Variants in MINPP1 observed in about 807,000 individuals in gnomAD.
The protein encoded by MINPP1 is multiple inositol polyphosphate phosphatase 1.
A neutral mutation model predicts 46.1 loss-of-function variants in MINPP1; 28 were observed. The ratio of observed to expected loss-of-function variants is 0.61; its 90% CI spans 0.45 to 0.83. MINPP1 has a LOEUF of 0.83. Among genes scored for constraint, MINPP1 ranks in the 40% least tolerant of loss-of-function variants. The pLI is 0.00. For missense variants in MINPP1, 603 were observed against 610.0 expected (o/e 0.99, Z 0.12); for synonymous variants, 268 against 249.1 (o/e 1.08, Z -0.72).
At chr10:87,525,478 T>C (rs1851563495) in intron 4 of MINPP1, among the ~76,000 whole-genome samples, 1 of 152,244 alleles carries the variant, frequency 6.6e-6, no homozygotes, top group African/African-American at 2.4e-5. Flanking sequence ...GTATCATTCT[T>C]TTTCATGGCT....
At chr10:87,536,538 T>TAG (rs958420981) in intron 4 of MINPP1, among the ~76,000 whole-genome samples, 1 of 152,130 alleles carries the variant, frequency 6.6e-6, no homozygotes, top group Non-Finnish European at 1.5e-5. Flanking sequence ...CACATCCAAG[T>TAG]TTCTTTGTGA....
intron 4 of MINPP1, among the ~76,000 whole-genome samples, chr10:87,547,138 T>C (rs1229291119): frequency 6.6e-6 from 1 of 152,124 alleles, no homozygotes; most frequent in African/African-American, 2.4e-5. Context: ...CCAAGACAGA[T>C]TCTTGCTCTG....
At chr10:87,506,573 G>A (rs1851254570) in intron 1 of MINPP1, among the ~76,000 whole-genome samples, 1 of 152,118 alleles carries the variant, frequency 6.6e-6, no homozygotes, top group African/African-American at 2.4e-5. Flanking sequence ...TGTGGACCCA[G>A]GAAATCTGAT....
rs1851214441 is a variant in MINPP1, at chr10:87,504,959, C to T, written c.44C>T (p.Pro15Leu). Residue 15 changes from proline to leucine, a missense_variant, in exon 1 of 5, where the codon CCT becomes CTT. By Grantham distance (98) the Pro-to-Leu change is moderately conservative. Transcript: ENST00000371996. ...TGCCTCCTCCGGACCTCCGTAGCGC[C>T]TGCCGCGGCCCTGGCTGCGGCGCTG... ...PGCLLRTSVA[P>L]AAALAAALLS... is the part of the protein sequence containing the mutation. The T allele has an allele frequency of 3.1e-6, 5 of 1,611,982 alleles. No individual in the cohort carries two copies. The highest frequency in any genetic ancestry group is 4.2e-6 in the Non-Finnish European group (5 of 1,179,524).
Position 87,504,926 on chromosome 10 carries a change from CG to C in MINPP1, c.12del (p.Gly6AlafsTer8). On this transcript the variant is annotated frameshift_variant, in exon 1 of 5. Coordinates refer to ENST00000371996, the MANE Select transcript of MINPP1 (RefSeq NM_004897.5). LOFTEE classifies it high-confidence loss of function. MLR[A>X]PGCLLRTSVA... ...CTGACCGTCCCGACGATGCTACGCG[CG>C]CCCGGCTGCCTCCTCCGGACCTCCG... 6.2e-7 allele frequency: 1 copy of C among 1,610,636 alleles called. No homozygotes were observed. Among genetic ancestry groups the C allele is most frequent in the East Asian group, 2.2e-5 (1 of 44,828 alleles).
intron 4 of MINPP1, among the ~76,000 whole-genome samples, chr10:87,538,195 C>T (rs1049388631): frequency 1.3e-5 from 2 of 151,674 alleles, no homozygotes; most frequent in African/African-American, 4.9e-5. Flanking sequence ...TGTTCAGTGC[C>T]AGCTGAAAAT....
Position 87,505,168 on chromosome 10 carries a change from G to T in MINPP1, c.253G>T (p.Ala85Ser). The change falls in exon 1 of 5, where the codon GCC becomes TCC. Residue 85 changes from alanine to serine, a missense_variant. Coordinates refer to ENST00000371996, the MANE Select transcript of MINPP1 (RefSeq NM_004897.5). The surrounding 1 kb of genome is among the most constrained non-coding windows in gnomAD (Gnocchi z 4.4). Reference sequence around the variant, plus strand: ...GACCTGCACCCCGGTGCAGCTGGTCGCCCTCATTCGCCACGGCACCCGCTA... The same window carrying T: ...GACCTGCACCCCGGTGCAGCTGGTCTCCCTCATTCGCCACGGCACCCGCTA... ...EGTCTPVQLV[A>S]LIRHGTRYPT... The T allele has an allele frequency of 6.2e-7, 1 of 1,608,738 alleles. No homozygotes were observed. Among genetic ancestry groups the T allele is most frequent in the Non-Finnish European group, 8.5e-7 (1 of 1,177,746 alleles).
At chr10:87,531,421 G>C (rs915873587) in intron 4 of MINPP1, among the ~76,000 whole-genome samples, 1 of 152,206 alleles carries the variant, frequency 6.6e-6, no homozygotes, top group African/African-American at 2.4e-5. Context: ...ATTTTTGGTA[G>C]CTAGTAGCTG....
intron 4 of MINPP1, among the ~76,000 whole-genome samples, chr10:87,530,869 C>T (rs1382974269): frequency 2.6e-5 from 4 of 152,172 alleles, no homozygotes; most frequent in South Asian, 2.1e-4. Context: ...AGCTTCCTGG[C>T]GGCTTTGTTT....
intron 4 of MINPP1, among the ~76,000 whole-genome samples, chr10:87,529,603 G>A (rs1480971841): frequency 6.6e-6 from 1 of 152,182 alleles, no homozygotes; most frequent in African/African-American, 2.4e-5. Flanking sequence ...CCCTTTGTGG[G>A]TAACCCGACC....
chr10:87,541,627 T>C (rs1356905764), intron 4 of MINPP1, among the ~76,000 whole-genome samples: 1 of 152,150 alleles, frequency 6.6e-6, no homozygotes, highest in African/African-American at 2.4e-5. Flanking sequence ...GACACTTAAT[T>C]GGCTCACAGT....
intron 2 of MINPP1, 31 bp downstream of exon 2, chr10:87,508,564 T>C: frequency 6.4e-7 from 1 of 1,567,434 alleles, no homozygotes; most frequent in Non-Finnish European, 8.8e-7. Context: ...TATTTGAACT[T>C]AACAGTTTAA....
intron 2 of MINPP1, among the ~76,000 whole-genome samples, chr10:87,511,360 A>G (rs1851331933): frequency 1.3e-5 from 2 of 152,142 alleles, no homozygotes; most frequent in South Asian, 2.1e-4. Flanking sequence ...TATTTTGTCT[A>G]GGAATCCTCC....
Position 87,552,619 on chromosome 10 carries a change from C to T in MINPP1, c.*141C>T. The T allele has an allele frequency of 1.2e-6, 1 of 863,970 alleles. No homozygotes were observed. Among genetic ancestry groups the T allele is most frequent in the Non-Finnish European group, 1.8e-6 (1 of 557,684 alleles). 53.5% of individuals were successfully genotyped at this position (863,970 alleles called of 1,614,324 possible). A position where few individuals can be genotyped will look rare whatever the true frequency, so the allele number is the denominator to read the frequency against. On this transcript the variant is annotated 3_prime_UTR_variant, in exon 5 of 5. Coordinates refer to ENST00000371996, the MANE Select transcript of MINPP1 (RefSeq NM_004897.5). ...CTTTTCACAGAAAAACATTGGGTTTCTCTCTGGGTTTGGACATGAAATGTA... is the reference window on the plus strand; with the variant it reads ...CTTTTCACAGAAAAACATTGGGTTTTTCTCTGGGTTTGGACATGAAATGTA...
intron 4 of MINPP1, among the ~76,000 whole-genome samples, chr10:87,534,139 A>G (rs949294209): frequency 3.7e-5 from 5 of 133,864 alleles, no homozygotes; most frequent in Admixed American, 3.7e-4. Flanking sequence ...TGCAACCTCT[A>G]CCTCCCAGGT....
At chr10:87,527,433 G>T (rs1188159611) in intron 4 of MINPP1, among the ~76,000 whole-genome samples, 1 of 152,144 alleles carries the variant, frequency 6.6e-6, no homozygotes, top group Non-Finnish European at 1.5e-5. Flanking sequence ...TTATTATTTT[G>T]AGATATGTCC....
At chr10:87,544,680 G>A (rs1851863953) in intron 4 of MINPP1, among the ~76,000 whole-genome samples, 1 of 152,090 alleles carries the variant, frequency 6.6e-6, no homozygotes, top group South Asian at 2.1e-4. Context: ...AATATCATTG[G>A]AACCTTAAGA....
chr10:87,529,037 CT>C (rs1047445751), intron 4 of MINPP1, among the ~76,000 whole-genome samples: 1 of 151,824 alleles, frequency 6.6e-6, no homozygotes, highest in Non-Finnish European at 1.5e-5. Context: ...GCAACCCCTG[CT>C]TTTTTTTGTT....
intron 1 of MINPP1, among the ~76,000 whole-genome samples, chr10:87,507,399 G>A (rs904215895): frequency 7.9e-5 from 12 of 152,080 alleles, no homozygotes; most frequent in African/African-American, 2.9e-4. Context: ...GACAAAGTTC[G>A]CTTATTTTCC....
Sources: gnomAD v4.1 joint callset for allele counts (sites outside exome capture counted in the v4.1 genomes callset) on GRCh38, gnomAD v4.1.1 for gene constraint, Gnocchi (gnomAD v3.1) non-coding constraint, MANE v1.5 for transcripts, NCBI Gene and HGNC (gene_info 2026-07-23, HGNC 2026-07-21) for gene names.